The following TBC1D22A variants were observed in gnomAD, a reference collection of about 807,000 sequenced individuals.
TBC1D22A encodes putative GTPase activator.
In TBC1D22A, 38 loss-of-function variants were observed where a neutral mutation model predicts 60.2. The ratio of observed to expected loss-of-function variants is 0.63; its 90% CI spans 0.49 to 0.83. The LOEUF (loss-of-function observed/expected upper bound fraction) is 0.83. Among genes scored for constraint, TBC1D22A ranks in the 40% least tolerant of loss-of-function variants. The pLI is 0.00. For synonymous variants in TBC1D22A, 302 were observed against 281.7 expected (o/e 1.07, Z -0.72); for missense variants, 628 against 701.0 (o/e 0.90, Z 1.18).
At chr22:47,029,021 C>T (rs2062361830) in intron 10 of TBC1D22A, among the ~76,000 whole-genome samples, 1 of 152,210 alleles carries the variant, frequency 6.6e-6, no homozygotes, top group African/African-American at 2.4e-5. Context: ...TCAGTGGTGT[C>T]CATGACTTCA....
chr22:47,031,220 G>A (rs1237572187), intron 10 of TBC1D22A, among the ~76,000 whole-genome samples: 1 of 152,218 alleles, frequency 6.6e-6, no homozygotes, highest in African/African-American at 2.4e-5. Context: ...GTGTCAGGCA[G>A]AAGGCCAGGC....
At chr22:46,848,149 G>T (rs2087105996) in intron 4 of TBC1D22A, among the ~76,000 whole-genome samples, 1 of 152,214 alleles carries the variant, frequency 6.6e-6, no homozygotes, top group Non-Finnish European at 1.5e-5. Flanking sequence ...ATTAAGAGCG[G>T]CTTTAAAGCT....
At chr22:47,144,466 G>T (rs188142052) in intron 12 of TBC1D22A, among the ~76,000 whole-genome samples, 2 of 152,218 alleles carry the variant, frequency 1.3e-5, no homozygotes, top group East Asian at 1.9e-4. Context: ...GCCTTGGGTC[G>T]CCACGCAAGG....
At chr22:47,149,276 A>G (rs1380790660) in intron 12 of TBC1D22A, among the ~76,000 whole-genome samples, 1 of 152,208 alleles carries the variant, frequency 6.6e-6, no homozygotes. Flanking sequence ...GGCGGCAGGA[A>G]TCACGGACGC....
At position 46,997,848 on chromosome 22, in the gene TBC1D22A, A is replaced by G. The variant is rs569894879; in HGVS notation, c.1201+139A>G. On this transcript the variant is annotated intron_variant, in intron 10 of 12. Coordinates refer to ENST00000337137, the MANE Select transcript of TBC1D22A (RefSeq NM_014346.5). ...TCCCTCATGGGCATCCTTCTGAGAC[A>G]GCTGCTGGTGCGTGAGCTGCTCTTA... The G allele has an allele frequency of 6.1e-5, 41 of 677,406 alleles. 1 individual carries two copies. In the South Asian group the frequency reaches 7.1e-4, roughly 12 times the overall value. The allele number at this position is 677,406 out of a possible 1,614,324, so 42.0% of individuals were successfully genotyped here.
At chr22:46,790,231 T>C (rs960467221) in intron 1 of TBC1D22A, among the ~76,000 whole-genome samples, 20 of 152,260 alleles carry the variant, frequency 1.3e-4, no homozygotes, top group African/African-American at 4.8e-4. Context: ...TTCCTTGGCA[T>C]ACAGCCCCCT....
chr22:47,044,709 A>C (rs141938748), intron 11 of TBC1D22A, among the ~76,000 whole-genome samples: 2 of 152,350 alleles, frequency 1.3e-5, no homozygotes, highest in African/African-American at 4.8e-5. Flanking sequence ...ATTCAGCAGG[A>C]CGTGGCTCAC....
At chr22:47,085,884 T>C (rs2064661456) in intron 11 of TBC1D22A, among the ~76,000 whole-genome samples, 1 of 152,216 alleles carries the variant, frequency 6.6e-6, no homozygotes, top group African/African-American at 2.4e-5. Flanking sequence ...CACACTACCA[T>C]CTACATTCAT....
intron 11 of TBC1D22A, among the ~76,000 whole-genome samples, chr22:47,044,773 G>A (rs4476): frequency 0.69 from 105,373 of 152,204 alleles, 37,071 homozygotes; most frequent in East Asian, 0.92. Flanking sequence ...TTCCTTCGGA[G>A]TGACAGTGAA....
chr22:46,825,521 T>G (rs1424991531), intron 4 of TBC1D22A, among the ~76,000 whole-genome samples: 6 of 152,230 alleles, frequency 3.9e-5, no homozygotes, highest in Non-Finnish European at 7.3e-5. Context: ...TCACCCGGGC[T>G]GGAGTGCAGT....
chr22:46,898,583 G>T (rs966414590), intron 7 of TBC1D22A, among the ~76,000 whole-genome samples: 8 of 152,074 alleles, frequency 5.3e-5, no homozygotes, highest in African/African-American at 1.9e-4. Context: ...GAGGGAAAAT[G>T]CAGGGAGTCT....
intron 8 of TBC1D22A, among the ~76,000 whole-genome samples, chr22:46,940,177 C>A (rs935920377): frequency 5.9e-5 from 9 of 152,128 alleles, no homozygotes; most frequent in African/African-American, 2.4e-5. Flanking sequence ...TGCTTCCTTG[C>A]TAAAAAATGC....
At chr22:47,088,208 C>T (rs1441780147) in intron 11 of TBC1D22A, among the ~76,000 whole-genome samples, 1 of 152,034 alleles carries the variant, frequency 6.6e-6, no homozygotes, top group Admixed American at 6.6e-5. Context: ...AGTTATCAAC[C>T]CCAGTGGAAA....
chr22:46,950,958 A>T (rs1160937887), intron 8 of TBC1D22A, among the ~76,000 whole-genome samples: 2 of 152,132 alleles, frequency 1.3e-5, no homozygotes, highest in African/African-American at 4.8e-5. Flanking sequence ...AGTGTTCGGG[A>T]TATGTGTTTG....
At chr22:46,765,755 C>G (rs574880834) in intron 1 of TBC1D22A, among the ~76,000 whole-genome samples, 1 of 149,862 alleles carries the variant, frequency 6.7e-6, no homozygotes, top group African/African-American at 2.5e-5. Flanking sequence ...GCGTGAGCCT[C>G]CATGCCTGGC....
chr22:46,884,217 G>C (rs536169870), intron 5 of TBC1D22A, among the ~76,000 whole-genome samples: 2 of 152,146 alleles, frequency 1.3e-5, no homozygotes, highest in African/African-American at 4.8e-5. Flanking sequence ...GGGATGGTGA[G>C]GGCCGAGGAG....
At chr22:47,026,692 A>G (rs2062268712) in intron 10 of TBC1D22A, among the ~76,000 whole-genome samples, 1 of 152,272 alleles carries the variant, frequency 6.6e-6, no homozygotes, top group South Asian at 2.1e-4. Flanking sequence ...GGAAAACACT[A>G]TGATAAAATA....
intron 10 of TBC1D22A, among the ~76,000 whole-genome samples, chr22:47,014,787 G>A (rs1347352494): frequency 3.3e-5 from 5 of 152,202 alleles, no homozygotes; most frequent in African/African-American, 1.2e-4. Flanking sequence ...GCCTGTGTGT[G>A]GGGTGGGTGT....
In TBC1D22A at chr22:47,004,271, TAC is replaced by T. The variant is rs546290827; in HGVS notation, c.1201+6569_1201+6570del. ...ATATACACATATACACACACTCCTA[TAC>T]ACACACCCCTGCACACAATCCTCAT... is the stretch of plus-strand genomic sequence containing the variant. On this transcript the variant is annotated intron_variant, in intron 10 of 12. Coordinates refer to ENST00000337137, the MANE Select transcript of TBC1D22A (RefSeq NM_014346.5). Among the ~76,000 whole-genome samples, 599 of 148,440 alleles carry T rather than the reference TAC, an allele frequency of 4.0e-3. 4 individuals carry two copies. The highest frequency in any genetic ancestry group is 0.015 in the African/African-American group (577 of 39,762).
Sources: gnomAD v4.1 joint callset for allele counts (sites outside exome capture counted in the v4.1 genomes callset) on GRCh38, gnomAD v4.1.1 for gene constraint, MANE v1.5 for transcripts, NCBI Gene and HGNC (gene_info 2026-07-23, HGNC 2026-07-21) for gene names.